The following PTN variants were observed in gnomAD, a reference collection of about 807,000 sequenced individuals.
PTN encodes the protein pleiotrophin.
A neutral mutation model predicts 24.1 loss-of-function variants in PTN; 18 were observed. That is an observed-to-expected ratio of 0.75 (90% CI 0.52 to 1.11). The LOEUF is 1.11. Among genes scored for constraint, PTN ranks in the 50% least tolerant of loss-of-function variants. The pLI is 0.00. For synonymous variants in PTN, 78 were observed against 68.6 expected (o/e 1.14, Z -0.67); for missense variants, 163 against 198.8 (o/e 0.82, Z 1.08).
intron 1 of PTN, among the ~76,000 whole-genome samples, chr7:137,257,754 T>C (rs1396442874): frequency 2.0e-5 from 3 of 152,172 alleles, no homozygotes; most frequent in African/African-American, 7.2e-5. Context: ...ATATCAGAAG[T>C]ATTTAGGTTG....
intron 1 of PTN, among the ~76,000 whole-genome samples, chr7:137,261,562 T>TA (rs1360489169): frequency 6.6e-6 from 1 of 152,180 alleles, no homozygotes; most frequent in Non-Finnish European, 1.5e-5. Context: ...AATTTCCCCT[T>TA]TGCCCTGTGA....
intron 1 of PTN, among the ~76,000 whole-genome samples, chr7:137,333,047 A>G (rs1315596399): frequency 6.6e-6 from 1 of 152,182 alleles, no homozygotes. Context: ...AGTTTGGGTC[A>G]TGGGAGTAGA....
chr7:137,301,503 T>C (rs1809805422), intron 1 of PTN, among the ~76,000 whole-genome samples: 1 of 151,756 alleles, frequency 6.6e-6, no homozygotes, highest in African/African-American at 2.4e-5. Context: ...TCAGATAGTG[T>C]AGTAACAACT....
intron 1 of PTN, among the ~76,000 whole-genome samples, chr7:137,279,795 A>G (rs745828513): frequency 6.6e-6 from 1 of 152,228 alleles, no homozygotes; most frequent in Non-Finnish European, 1.5e-5. Flanking sequence ...CTGAAAGAAC[A>G]CTCAGCAGGC....
At chr7:137,343,412 G>A in intron 1 of PTN, 27 bp downstream of exon 1, 1 of 498,056 alleles carries the variant, frequency 2.0e-6, no homozygotes, top group Non-Finnish European at 4.0e-6. Context: ...AGAGCCCTCC[G>A]AGAAATCGTA....
intron 1 of PTN, among the ~76,000 whole-genome samples, chr7:137,275,247 T>C (rs1416125155): frequency 1.3e-5 from 2 of 152,186 alleles, no homozygotes; most frequent in East Asian, 1.9e-4. Flanking sequence ...GCATTTCCAA[T>C]GGAAGAAATA....
rs759685324 is a variant in PTN, at chr7:137,236,101, A to T, written c.452-8026T>A. 1.4e-4 allele frequency: 99 copies of T among 694,740 alleles called. 1 individual carries two copies. The highest frequency in any genetic ancestry group is 3.1e-4 in the Admixed American group (15 of 49,004). The allele number at this position is 694,740 out of a possible 1,614,324, so 43.0% of individuals were successfully genotyped here. ...TCATCAACCATGCAGAACAAAATTA[A>T]TAAAAGTCCCCAATATGTCAGTTAT... On this transcript the variant is annotated intron_variant, in intron 4 of 4. Transcript: ENST00000348225.
chr7:137,252,660 T>C (rs1808848775), intron 3 of PTN, among the ~76,000 whole-genome samples: 1 of 151,958 alleles, frequency 6.6e-6, no homozygotes, highest in South Asian at 2.1e-4. Context: ...CCTTCCTCAC[T>C]TGTCTATGGG....
At chr7:137,311,671 C>T (rs1050716715) in intron 1 of PTN, among the ~76,000 whole-genome samples, 12 of 152,242 alleles carry the variant, frequency 7.9e-5, no homozygotes, top group Middle Eastern at 3.4e-3. Context: ...GGAAGAGAGA[C>T]AGGGAAATGA....
chr7:137,266,749 G>A (rs1809155739), intron 1 of PTN, among the ~76,000 whole-genome samples: 1 of 147,176 alleles, frequency 6.8e-6, no homozygotes, highest in Non-Finnish European at 1.5e-5. Context: ...ATGTTACACT[G>A]TTAACTTTTA....
At chr7:137,307,255 C>A (rs1452580516) in intron 1 of PTN, among the ~76,000 whole-genome samples, 5 of 152,108 alleles carry the variant, frequency 3.3e-5, no homozygotes, top group African/African-American at 1.2e-4. Context: ...TGAAGCACAG[C>A]ATCTGACAGC....
At chr7:137,286,571 G>A (rs1178806061) in intron 1 of PTN, among the ~76,000 whole-genome samples, 3 of 152,194 alleles carry the variant, frequency 2.0e-5, no homozygotes, top group Non-Finnish European at 4.4e-5. Context: ...CAGGAGAAAA[G>A]TGAGCCAGTC....
intron 1 of PTN, among the ~76,000 whole-genome samples, chr7:137,327,443 CT>C (rs1810281672): frequency 6.6e-6 from 1 of 152,062 alleles, no homozygotes; most frequent in Non-Finnish European, 1.5e-5. Context: ...CTGGGATCAT[CT>C]CTTTGGCTTT....
chr7:137,264,973 T>C (rs1255602550), intron 1 of PTN, among the ~76,000 whole-genome samples: 1 of 94,006 alleles, frequency 1.1e-5, no homozygotes, highest in Non-Finnish European at 2.2e-5. Flanking sequence ...CCAACTGCCA[T>C]TTTTTTTTTT....
chr7:137,329,131 C>A (rs1007888431), intron 1 of PTN, among the ~76,000 whole-genome samples: 1 of 152,130 alleles, frequency 6.6e-6, no homozygotes, highest in Non-Finnish European at 1.5e-5. Context: ...ATAGTCTTTA[C>A]CCCATAGGGC....
At chr7:137,267,601 ATC>A (rs1358764268) in intron 1 of PTN, among the ~76,000 whole-genome samples, 1 of 152,126 alleles carries the variant, frequency 6.6e-6, no homozygotes, top group African/African-American at 2.4e-5. Flanking sequence ...TAACACCGTA[ATC>A]TCCCTTAAAT....
At position 137,247,404 on chromosome 7, in the gene PTN, A is replaced by G. The variant is rs560271223; in HGVS notation, c.451+3826T>C. On this transcript the variant is annotated intron_variant, in intron 4 of 4. Transcript: ENST00000348225. ...AATGGAGATCATTAGGTTAAGTAAA[A>G]TAAGACAGGCACAGAAAGAGAAACA... Among the ~76,000 whole-genome samples, 288 of 152,338 alleles carry G rather than the reference A, an allele frequency of 1.9e-3. 3 individuals are homozygous for G. The highest frequency in any genetic ancestry group is 6.8e-3 in the African/African-American group (282 of 41,576).
At chr7:137,253,215 G>T (rs115892191) in intron 3 of PTN, among the ~76,000 whole-genome samples, 1 of 152,074 alleles carries the variant, frequency 6.6e-6, no homozygotes, top group South Asian at 2.1e-4. Context: ...TTCACATCTG[G>T]AGCGGGTGAG....
At chr7:137,233,059 T>C (rs727185) in intron 4 of PTN, among the ~76,000 whole-genome samples, 40,354 of 151,844 alleles carry the variant, frequency 0.27, 7,364 homozygotes, top group African/African-American at 0.52. Context: ...GTAAATGCAG[T>C]GAGAAGAATG....
Sources: gnomAD v4.1 joint callset for allele counts (sites outside exome capture counted in the v4.1 genomes callset) on GRCh38, gnomAD v4.1.1 for gene constraint, MANE v1.5 for transcripts, NCBI Gene and HGNC (gene_info 2026-07-23, HGNC 2026-07-21) for gene names.